Variants in USP13 observed in about 807,000 individuals in gnomAD.
USP13 encodes ubiquitin specific peptidase 13.
USP13 carries 68 observed loss-of-function variants against 107.8 expected under a neutral mutation model. That is an observed-to-expected ratio of 0.63 (90% CI 0.52 to 0.77). The LOEUF (loss-of-function observed/expected upper bound fraction) is 0.77. Among genes scored for constraint, USP13 ranks in the 30% least tolerant of loss-of-function variants. USP13 has a pLI of 0.00. For synonymous variants in USP13, 377 were observed against 389.5 expected (o/e 0.97, Z 0.38); for missense variants, 945 against 1,093.3 (o/e 0.86, Z 1.91).
chr3:179,672,621 A>G (rs1014827923), intron 1 of USP13, among the ~76,000 whole-genome samples: 2 of 152,042 alleles, frequency 1.3e-5, no homozygotes, highest in African/African-American at 2.4e-5. Flanking sequence ...TTTAGTAGAG[A>G]TGGGGTTTCA....
chr3:179,654,385 C>G (rs1427347321), intron 1 of USP13, among the ~76,000 whole-genome samples: 1 of 152,044 alleles, frequency 6.6e-6, no homozygotes, highest in Non-Finnish European at 1.5e-5. Flanking sequence ...AAGTTCAATC[C>G]CGAGTCGTGA....
intron 1 of USP13, among the ~76,000 whole-genome samples, chr3:179,656,076 A>G (rs550880552): frequency 1.2e-4 from 18 of 152,320 alleles, no homozygotes; most frequent in African/African-American, 3.8e-4. Context: ...TGCATTGGTT[A>G]CTGTTGAAAA....
chr3:179,725,850 A>G (rs1331231993), intron 8 of USP13, among the ~76,000 whole-genome samples: 2 of 152,200 alleles, frequency 1.3e-5, no homozygotes, highest in Admixed American at 1.3e-4. Flanking sequence ...ATACTAAACA[A>G]GATGTATTAG....
rs1715923638 is a variant in USP13, at chr3:179,786,713, C to T, written c.*2572C>T. ...GTCTGGAATGTACTGCTTAATTTTA[C>T]ACTTGTGTAGACACGATTATTTGTG... On this transcript the variant is annotated 3_prime_UTR_variant, in exon 21 of 21. Transcript: ENST00000263966. 1 of 152,238 alleles carries T rather than the reference C, an allele frequency of 6.6e-6. No homozygotes were observed. Among genetic ancestry groups the T allele is most frequent in the Non-Finnish European group, 1.5e-5 (1 of 68,040 alleles). 9.4% of individuals were successfully genotyped at this position (152,238 alleles called of 1,614,324 possible).
At chr3:179,685,631 T>TAA (rs562421751) in intron 2 of USP13, among the ~76,000 whole-genome samples, 3 of 103,520 alleles carry the variant, frequency 2.9e-5, no homozygotes, top group Non-Finnish European at 4.2e-5. Flanking sequence ...TTTAGAAAAC[T>TAA]AAAAAAAAAA....
chr3:179,757,153 G>T (rs1443006691), intron 16 of USP13, 75 bp downstream of exon 16: 4 of 1,525,700 alleles, frequency 2.6e-6, no homozygotes, highest in Non-Finnish European at 2.7e-6. Flanking sequence ...TGAAAGTTCA[G>T]TAAAGAGGCA....
At chr3:179,662,887 A>G (rs916514355) in intron 1 of USP13, among the ~76,000 whole-genome samples, 37 of 152,162 alleles carry the variant, frequency 2.4e-4, no homozygotes, top group Non-Finnish European at 1.3e-4. Context: ...CAGTTAAAGG[A>G]GCGGCCATCC....
chr3:179,682,036 A>G, intron 2 of USP13, 33 bp downstream of exon 2: 1 of 1,600,056 alleles, frequency 6.2e-7, no homozygotes, highest in Non-Finnish European at 8.5e-7. Context: ...ACTGGCCTTG[A>G]TGTCTTCCCT....
At position 179,784,202 on chromosome 3, in the gene USP13, A is replaced by AAAG. The variant is rs576779975; in HGVS notation, c.*74_*76dup. ...CGCCTTTTTAATTTGCCAAAAAAAA[A>AAAG]AAGAAGAAGAAGAAGTTGAAACAAC... is the stretch of plus-strand genomic sequence containing the variant. On this transcript the variant is annotated 3_prime_UTR_variant, in exon 21 of 21. Transcript: ENST00000263966. The AAAG allele has an allele frequency of 3.0e-6, 4 of 1,321,118 alleles. No homozygotes were observed. Among genetic ancestry groups the AAAG allele is most frequent in the East Asian group, 4.6e-5 (2 of 43,426 alleles). The allele number at this position is 1,321,118 out of a possible 1,614,324, so 81.8% of individuals were successfully genotyped here. A position where few individuals can be genotyped will look rare whatever the true frequency, so the allele number is the denominator to read the frequency against.
Position 179,788,304 on chromosome 3 carries a change from G to T in USP13, c.*4163G>T, listed in dbSNP as rs1715968524. On this transcript the variant is annotated 3_prime_UTR_variant, in exon 21 of 21. Transcript: ENST00000263966. ...AAGAAATCCTACGCTATAGAACAAG[G>T]TTCTGTACTCTTGAGTTGGTGTCTG... is the stretch of plus-strand genomic sequence containing the variant. The T allele has an allele frequency of 6.6e-6, 1 of 152,192 alleles. No individual in the cohort carries two copies. Among genetic ancestry groups the T allele is most frequent in the Non-Finnish European group, 1.5e-5 (1 of 68,032 alleles). The allele number at this position is 152,192 out of a possible 1,614,324, so 9.4% of individuals were successfully genotyped here. A position where few individuals can be genotyped will look rare whatever the true frequency, so the allele number is the denominator to read the frequency against.
intron 18 of USP13, among the ~76,000 whole-genome samples, chr3:179,764,770 C>A (rs972726317): frequency 6.6e-6 from 1 of 152,156 alleles, no homozygotes; most frequent in South Asian, 2.1e-4. Context: ...ACTTAAAAAA[C>A]AAAACAAAAC....
chr3:179,730,097 G>A, intron 8 of USP13, 92 bp from the exon 9 acceptor site: 2 of 1,177,428 alleles, frequency 1.7e-6, no homozygotes, highest in Non-Finnish European at 2.5e-6. Flanking sequence ...TGACAAAGGG[G>A]CAAGAAGGTC....
chr3:179,668,523 T>C (rs1720651362), intron 1 of USP13, among the ~76,000 whole-genome samples: 1 of 152,222 alleles, frequency 6.6e-6, no homozygotes, highest in Non-Finnish European at 1.5e-5. Flanking sequence ...CCTGTTTGGT[T>C]ATTCCCTGCT....
chr3:179,667,355 A>G (rs1720617153), intron 1 of USP13, among the ~76,000 whole-genome samples: 2 of 152,172 alleles, frequency 1.3e-5, no homozygotes, highest in Non-Finnish European at 2.9e-5. Flanking sequence ...TTCAATCTTC[A>G]TGTTTATCAG....
At chr3:179,715,145 G>A (rs1310647075) in intron 6 of USP13, among the ~76,000 whole-genome samples, 1 of 151,508 alleles carries the variant, frequency 6.6e-6, no homozygotes, top group Non-Finnish European at 1.5e-5. Flanking sequence ...GCCTCCCAAA[G>A]TGCTGGGATT....
intron 9 of USP13, among the ~76,000 whole-genome samples, 156 bp downstream of exon 9, chr3:179,730,416 A>T (rs1482630518): frequency 6.6e-6 from 1 of 152,234 alleles, no homozygotes; most frequent in African/African-American, 2.4e-5. Flanking sequence ...AAGAAGATAA[A>T]GTTATCTACA....
chr3:179,662,081 G>A (rs1019389655), intron 1 of USP13, among the ~76,000 whole-genome samples: 3 of 152,118 alleles, frequency 2.0e-5, no homozygotes, highest in Non-Finnish European at 4.4e-5. Flanking sequence ...TTAATTTCCT[G>A]TATCAAATCT....
chr3:179,782,650 G>A (rs1021310677), intron 20 of USP13, among the ~76,000 whole-genome samples: 1 of 152,156 alleles, frequency 6.6e-6, no homozygotes, highest in African/African-American at 2.4e-5. Flanking sequence ...TCCCACTGCA[G>A]GAGTGGCCAT....
intron 4 of USP13, among the ~76,000 whole-genome samples, chr3:179,702,525 C>G (rs1392634651): frequency 2.0e-5 from 3 of 152,232 alleles, no homozygotes; most frequent in Non-Finnish European, 4.4e-5. Flanking sequence ...GCCATCTGCT[C>G]ACTTGTCCCT....
Sources: gnomAD v4.1 joint callset for allele counts (sites outside exome capture counted in the v4.1 genomes callset) on GRCh38, gnomAD v4.1.1 for gene constraint, MANE v1.5 for transcripts, NCBI Gene and HGNC (gene_info 2026-07-23, HGNC 2026-07-21) for gene names.